Variants in DNAH9 observed in about 807,000 individuals in gnomAD.
DNAH9 encodes dynein axonemal heavy chain 9.
Under a neutral mutation model 471.6 loss-of-function variants are expected in DNAH9, and 345 were observed. The ratio of observed to expected loss-of-function variants is 0.73; its 90% CI spans 0.67 to 0.80. DNAH9 has a LOEUF of 0.80. DNAH9 is among the 30% of genes least tolerant of loss of function. DNAH9 has a pLI of 0.00. For synonymous variants in DNAH9, 2,093 were observed against 2,123.6 expected (o/e 0.99, Z 0.40); for missense variants, 5,407 against 5,609.2 (o/e 0.96, Z 1.15).
chr17:11,880,036 T>G, intron 53 of DNAH9, 42 bp from the exon 54 acceptor site: 1 of 1,610,314 alleles, frequency 6.2e-7, no homozygotes, highest in South Asian at 1.1e-5. Context: ...CTCCATAGCT[T>G]GCCACAGTCT....
intron 9 of DNAH9, among the ~76,000 whole-genome samples, chr17:11,639,896 A>G (rs149016670): frequency 0.011 from 1,620 of 152,270 alleles, 33 homozygotes; most frequent in African/African-American, 0.037. Context: ...CCAGCTACTC[A>G]GGAGGCTGAG....
chr17:11,840,508 CAAG>C (rs1398548569), intron 49 of DNAH9, among the ~76,000 whole-genome samples: 1 of 152,110 alleles, frequency 6.6e-6, no homozygotes, highest in East Asian at 1.9e-4. Context: ...TCTGGGCAAA[CAAG>C]AAGTATAATT....
chr17:11,838,050 C>T (rs930569250), intron 49 of DNAH9, among the ~76,000 whole-genome samples: 1 of 152,064 alleles, frequency 6.6e-6, no homozygotes, highest in African/African-American at 2.4e-5. Context: ...GAAATTAATC[C>T]AAAGTGAACA....
At position 11,969,362 on chromosome 17, in the gene DNAH9, C is replaced by T. The variant is rs755601472; in HGVS notation, c.13296C>T (p.Ile4432=). 1 of 1,614,058 alleles carries T rather than the reference C, an allele frequency of 6.2e-7. No individual in the cohort carries two copies. Among genetic ancestry groups the T allele is most frequent in the Admixed American group, 1.7e-5 (1 of 60,018 alleles). ...CACCCCCTATGCCTGTGATGTTCAT[C>T]AAGGCCATTCCTGCAGATAAGCAGG... is the stretch of plus-strand genomic sequence containing the variant. ...DLTPPMPVMF[I]KAIPADKQDC... is the part of the protein sequence containing the mutation. Residue 4432 remains isoleucine, a synonymous_variant, in exon 69 of 69, where the codon ATC becomes ATT. Transcript: ENST00000262442.
At position 11,892,043 on chromosome 17, in the gene DNAH9, A is replaced by C; in HGVS notation, c.11283+96A>C. 7.2e-7 allele frequency: 1 copy of C among 1,394,344 alleles called. No individual in the cohort carries two copies. The highest frequency in any genetic ancestry group is 1.0e-6 in the Non-Finnish European group (1 of 1,003,450). 86.4% of individuals were successfully genotyped at this position (1,394,344 alleles called of 1,614,324 possible). A position where few individuals can be genotyped will look rare whatever the true frequency, so the allele number is the denominator to read the frequency against. ...CTTTCTTCTTTGAACATCACTTTCC[A>C]CAGCATGTCCAGACTATCTGTCTTT... is the stretch of plus-strand genomic sequence containing the variant. On this transcript the variant is annotated intron_variant, in intron 58 of 68. Transcript: ENST00000262442. This position sits in a 1 kb window ranked among gnomAD's most constrained non-coding sequence, Gnocchi z 4.3.
rs778967287 is a variant in DNAH9 at position 11,640,258 on chromosome 17, C to T, written c.1787-12C>T. The T allele has an allele frequency of 2.5e-6, 4 of 1,579,490 alleles. No homozygotes were observed. The highest frequency in any genetic ancestry group is 2.2e-5 in the South Asian group (2 of 90,068). On this transcript the variant is annotated splice_polypyrimidine_tract_variant and intron_variant, in intron 9 of 68. Coordinates refer to ENST00000262442, the MANE Select transcript of DNAH9 (RefSeq NM_001372.4). ...CTAGACTCATTTCGGTCTGTCTGTG[C>T]CATGTCTCCAGGGTTCTCCCCGGTG...
At chr17:11,651,782 A>G (rs2073511841) in intron 13 of DNAH9, among the ~76,000 whole-genome samples, 1 of 152,200 alleles carries the variant, frequency 6.6e-6, no homozygotes, top group South Asian at 2.1e-4. Flanking sequence ...TTTGAGGTGT[A>G]TGGGACATGG....
At chr17:11,917,844 TCTC>T (rs1974006106) in intron 61 of DNAH9, among the ~76,000 whole-genome samples, 1 of 151,952 alleles carries the variant, frequency 6.6e-6, no homozygotes, top group Non-Finnish European at 1.5e-5. Flanking sequence ...CAAAGAACAG[TCTC>T]CTCCTTGGCC....
chr17:11,919,955 G>A lies in DNAH9; in HGVS notation c.11750-3859G>A, dbSNP rs531311935. On this transcript the variant is annotated intron_variant, in intron 61 of 68. Transcript: ENST00000262442. ...ATGGAAGAATCATGTTTCAGACACAGGACAGATCTCCATGATGGGAGAGCC... is the reference window on the plus strand; with the variant it reads ...ATGGAAGAATCATGTTTCAGACACAAGACAGATCTCCATGATGGGAGAGCC... 1.4e-4 allele frequency among the ~76,000 whole-genome samples: 22 copies of A among 152,176 alleles called. No homozygotes were observed. The East Asian group carries it at 4.3e-3, about 30-fold the overall frequency.
intron 41 of DNAH9, among the ~76,000 whole-genome samples, chr17:11,789,448 T>G (rs1457841834): frequency 1.3e-5 from 2 of 152,098 alleles, no homozygotes; most frequent in Non-Finnish European, 2.9e-5. Flanking sequence ...CAATAGTTGC[T>G]AATTTATTGG....
intron 12 of DNAH9, among the ~76,000 whole-genome samples, chr17:11,649,379 T>C (rs1428525925): frequency 6.6e-6 from 1 of 152,194 alleles, no homozygotes; most frequent in Non-Finnish European, 1.5e-5. Context: ...ATTGGCATGT[T>C]TTTAGTTTAA....
intron 54 of DNAH9, among the ~76,000 whole-genome samples, chr17:11,880,780 G>A (rs1972688118): frequency 5.3e-5 from 8 of 152,122 alleles, no homozygotes; most frequent in Admixed American, 5.2e-4. Context: ...CTCAAGTCGT[G>A]CTCGTTTACT....
rs917441039 is a variant in DNAH9, at chr17:11,892,027, T to C, written c.11283+80T>C. On this transcript the variant is annotated intron_variant, in intron 58 of 68. Transcript: ENST00000262442. The surrounding 1 kb of genome is among the most constrained non-coding windows in gnomAD (Gnocchi z 4.3). ...AGCAGGTGTTAAGAAACTTTCTTCT[T>C]TGAACATCACTTTCCACAGCATGTC... 1.3e-6 allele frequency: 2 copies of C among 1,497,596 alleles called. No homozygotes were observed. Among genetic ancestry groups the C allele is most frequent in the Admixed American group, 1.8e-5 (1 of 56,896 alleles). 92.8% of individuals were successfully genotyped at this position (1,497,596 alleles called of 1,614,324 possible).
intron 67 of DNAH9, among the ~76,000 whole-genome samples, chr17:11,960,464 C>CAAAAAAAA: frequency 1.2e-5 from 1 of 86,454 alleles, no homozygotes; most frequent in Non-Finnish European, 2.3e-5. Flanking sequence ...AAAAAAAAAT[C>CAAAAAAAA]CAAAAGTGGC....
intron 57 of DNAH9, among the ~76,000 whole-genome samples, chr17:11,889,216 A>C (rs1440465737): frequency 6.6e-6 from 1 of 152,214 alleles, no homozygotes; most frequent in African/African-American, 2.4e-5. Flanking sequence ...GGCTGGGGGA[A>C]TAACACTTCT....
intron 27 of DNAH9, among the ~76,000 whole-genome samples, chr17:11,721,825 C>A (rs1053135714): frequency 6.6e-6 from 1 of 152,078 alleles, no homozygotes; most frequent in Non-Finnish European, 1.5e-5. Flanking sequence ...GCCCTACAAA[C>A]TTTAGGCCCT....
intron 67 of DNAH9, among the ~76,000 whole-genome samples, chr17:11,958,564 C>T (rs2190616): frequency 0.48 from 72,581 of 151,890 alleles, 17,517 homozygotes; most frequent in Middle Eastern, 0.59. Flanking sequence ...CGGTAAACTA[C>T]GGACTCTGAG....
intron 26 of DNAH9, among the ~76,000 whole-genome samples, chr17:11,709,904 AAT>A (rs2074801178): frequency 6.6e-6 from 1 of 152,168 alleles, no homozygotes; most frequent in Non-Finnish European, 1.5e-5. Context: ...AAGTAGGTGA[AAT>A]ATAATTGATG....
chr17:11,818,235 C>T (rs1970172225), intron 45 of DNAH9, among the ~76,000 whole-genome samples: 1 of 152,136 alleles, frequency 6.6e-6, no homozygotes, highest in Non-Finnish European at 1.5e-5. Flanking sequence ...TCGAGACCAT[C>T]CTGGCCAATA....
Sources: gnomAD v4.1 joint callset for allele counts (sites outside exome capture counted in the v4.1 genomes callset) on GRCh38, gnomAD v4.1.1 for gene constraint, Gnocchi (gnomAD v3.1) non-coding constraint, MANE v1.5 for transcripts, NCBI Gene and HGNC (gene_info 2026-07-23, HGNC 2026-07-21) for gene names.